Variants in SLC9A9 observed in about 807,000 individuals in gnomAD.
SLC9A9 encodes the protein sodium/hydrogen exchanger 9.
In SLC9A9, 62 loss-of-function variants were observed where a neutral mutation model predicts 77.8. The observed-to-expected ratio is 0.80, with a 90% CI of 0.65 to 0.98. SLC9A9 has a LOEUF of 0.98. SLC9A9 is among the 50% of genes least tolerant of loss of function. The probability of loss-of-function intolerance (pLI) is 0.00; values close to 1 mark genes in which losing one functional copy is unlikely to be tolerated. For synonymous variants in SLC9A9, 320 were observed against 283.5 expected (o/e 1.13, Z -1.29); for missense variants, 775 against 774.9 (o/e 1.00, Z 0.00).
At chr3:143,544,419 G>A (rs1484339840) in intron 9 of SLC9A9, among the ~76,000 whole-genome samples, 2 of 151,940 alleles carry the variant, frequency 1.3e-5, no homozygotes, top group African/African-American at 4.8e-5. Context: ...AGTAGAGACG[G>A]GGTTTCACTG....
chr3:143,528,595 C>G (rs1559954441), intron 9 of SLC9A9, among the ~76,000 whole-genome samples: 1 of 152,134 alleles, frequency 6.6e-6, no homozygotes, highest in Admixed American at 6.5e-5. Context: ...GGTGGGAACT[C>G]TTTGCAAACA....
At chr3:143,381,920 T>C (rs2033312463) in intron 13 of SLC9A9, 140 bp downstream of exon 13, 4 of 965,858 alleles carry the variant, frequency 4.1e-6, no homozygotes, top group Non-Finnish European at 5.0e-6. Context: ...TTGTATTTTA[T>C]TGTAATCTCA....
At chr3:143,311,142 A>G (rs2031002610) in intron 14 of SLC9A9, among the ~76,000 whole-genome samples, 2 of 152,210 alleles carry the variant, frequency 1.3e-5, no homozygotes, top group South Asian at 4.1e-4. Context: ...AAGCAAGTCC[A>G]TTGTGTATCA....
chr3:143,465,436 T>C (rs1010253789), intron 12 of SLC9A9, among the ~76,000 whole-genome samples: 3 of 152,190 alleles, frequency 2.0e-5, no homozygotes, highest in African/African-American at 7.2e-5. Context: ...GTAAATACTT[T>C]AGGATAAAAC....
chr3:143,742,034 A>G (rs1018837162), intron 4 of SLC9A9, among the ~76,000 whole-genome samples: 2 of 152,046 alleles, frequency 1.3e-5, no homozygotes, highest in Admixed American at 1.3e-4. Context: ...ATGGTTTAGG[A>G]GTCAAGCAGC....
chr3:143,347,421 G>T lies in SLC9A9; in HGVS notation c.1604+16063C>A, dbSNP rs75605037. On this transcript the variant is annotated intron_variant, in intron 14 of 15. Transcript: ENST00000316549. Reference sequence around the variant, plus strand: ...GATAACCCAAAGGAAACAGATAAATGGAGGAATAAAAATGAAATTCTATCT... The same window carrying T: ...GATAACCCAAAGGAAACAGATAAATTGAGGAATAAAAATGAAATTCTATCT... Among the ~76,000 whole-genome samples the T allele has an allele frequency of 8.3e-4, 126 of 152,236 alleles. 3 individuals are homozygous for T. In the East Asian group the frequency reaches 0.024, roughly 29 times the overall value.
At chr3:143,433,342 C>T (rs1274279804) in intron 12 of SLC9A9, among the ~76,000 whole-genome samples, 1 of 152,070 alleles carries the variant, frequency 6.6e-6, no homozygotes, top group African/African-American at 2.4e-5. Context: ...TATTTTCATT[C>T]AAAAAATTGT....
intron 5 of SLC9A9, among the ~76,000 whole-genome samples, chr3:143,688,621 G>A (rs1933356357): frequency 6.6e-6 from 1 of 152,078 alleles, no homozygotes; most frequent in Non-Finnish European, 1.5e-5. Flanking sequence ...GGCTGTGTGA[G>A]AGTGAAATCT....
intron 12 of SLC9A9, among the ~76,000 whole-genome samples, chr3:143,386,922 C>A (rs2033439799): frequency 6.6e-6 from 1 of 152,192 alleles, no homozygotes; most frequent in Non-Finnish European, 1.5e-5. Context: ...TTCACTGCAA[C>A]CTCCACCTCC....
chr3:143,431,540 T>C (rs1290421607), intron 12 of SLC9A9, among the ~76,000 whole-genome samples: 4 of 149,520 alleles, frequency 2.7e-5, no homozygotes, highest in East Asian at 2.0e-4. Flanking sequence ...TGGAGTACAG[T>C]GGTGCAATCT....
intron 9 of SLC9A9, among the ~76,000 whole-genome samples, chr3:143,504,816 G>A (rs1415691679): frequency 6.6e-6 from 1 of 152,042 alleles, no homozygotes; most frequent in Non-Finnish European, 1.5e-5. Flanking sequence ...ACATTCAAAG[G>A]CATTAATACA....
chr3:143,311,879 GA>G (rs1480533159), intron 14 of SLC9A9, among the ~76,000 whole-genome samples: 1 of 152,198 alleles, frequency 6.6e-6, no homozygotes, highest in African/African-American at 2.4e-5. Flanking sequence ...TAGTTTCTCT[GA>G]GAACTTCCTA....
chr3:143,694,110 G>A (rs1933558878), intron 4 of SLC9A9, among the ~76,000 whole-genome samples: 1 of 152,060 alleles, frequency 6.6e-6, no homozygotes, highest in African/African-American at 2.4e-5. Context: ...AACTGTAAGA[G>A]TCTTTAGAAA....
Position 143,402,458 on chromosome 3 carries a change from T to TG in SLC9A9, c.1470-20345_1470-20344insC, listed in dbSNP as rs1216444974. On this transcript the variant is annotated intron_variant, in intron 12 of 15. Coordinates refer to ENST00000316549, the MANE Select transcript of SLC9A9 (RefSeq NM_173653.4). ...CTTAGCACCTTTGTGTTTTTTTTTT[T>TG]TTTTTTTTGTAGAACTGAAAGATAC... is the stretch of plus-strand genomic sequence containing the variant. 4.2e-3 allele frequency among the ~76,000 whole-genome samples: 630 copies of TG among 151,612 alleles called. 4 individuals carry two copies. Among genetic ancestry groups the TG allele is most frequent in the African/African-American group, 0.014 (599 of 41,404 alleles).
chr3:143,797,789 A>G (rs974980954), intron 2 of SLC9A9, among the ~76,000 whole-genome samples: 1 of 149,324 alleles, frequency 6.7e-6, no homozygotes, highest in Non-Finnish European at 1.5e-5. Flanking sequence ...GTAATTTTCC[A>G]CTACCTACCC....
At chr3:143,359,834 A>G (rs531091490) in intron 14 of SLC9A9, among the ~76,000 whole-genome samples, 1 of 152,256 alleles carries the variant, frequency 6.6e-6, no homozygotes, top group Admixed American at 6.5e-5. Flanking sequence ...TTCTGCCCCT[A>G]AAGAGTTGAG....
chr3:143,806,065 T>A (rs148829962), intron 2 of SLC9A9, among the ~76,000 whole-genome samples: 3 of 149,926 alleles, frequency 2.0e-5, no homozygotes, highest in Non-Finnish European at 4.4e-5. Context: ...TTTATTCTTT[T>A]CCCCCCCACC....
intron 12 of SLC9A9, among the ~76,000 whole-genome samples, chr3:143,397,965 C>A (rs1270492500): frequency 6.6e-6 from 1 of 152,112 alleles, no homozygotes; most frequent in Non-Finnish European, 1.5e-5. Flanking sequence ...CCAGCCAAAG[C>A]AAATATTTTT....
chr3:143,830,342 T>C (rs2009403413), intron 2 of SLC9A9, among the ~76,000 whole-genome samples: 1 of 152,160 alleles, frequency 6.6e-6, no homozygotes, highest in South Asian at 2.1e-4. Flanking sequence ...AAGTAAACAT[T>C]TTATGTACCG....
Sources: gnomAD v4.1 joint callset for allele counts (sites outside exome capture counted in the v4.1 genomes callset) on GRCh38, gnomAD v4.1.1 for gene constraint, MANE v1.5 for transcripts, NCBI Gene and HGNC (gene_info 2026-07-23, HGNC 2026-07-21) for gene names.